The following XKR9 variants were observed in gnomAD, a reference collection of about 807,000 sequenced individuals.
XKR9 encodes XK related 9, also known as XK-related protein 9.
In XKR9, 32 loss-of-function variants were observed where a neutral mutation model predicts 32.0. The ratio of observed to expected loss-of-function variants is 1.00; its 90% CI spans 0.76 to 1.34. The LOEUF (loss-of-function observed/expected upper bound fraction) is 1.34, where lower values mean the gene tolerates loss of function less well. Among genes scored for constraint, XKR9 ranks in the 40% most tolerant of loss-of-function variants. XKR9 has a pLI of 0.00. For synonymous variants in XKR9, 168 were observed against 143.4 expected (o/e 1.17, Z -1.22); for missense variants, 546 against 429.7 (o/e 1.27, Z -2.39).
At chr8:70,739,569 T>C (rs540223289), downstream of XKR9, among the ~76,000 whole-genome samples, 3 of 152,270 alleles carry the variant, frequency 2.0e-5, no homozygotes, top group African/African-American at 7.2e-5. Flanking sequence ...GCCTCGATGG[T>C]CTTTACAATT....
At chr8:70,760,206 C>T (rs1164270530) in intron 2 of XKR9, among the ~76,000 whole-genome samples, 2 of 152,064 alleles carry the variant, frequency 1.3e-5, no homozygotes, top group South Asian at 2.1e-4. Flanking sequence ...TCAGTTTACT[C>T]GTAAGTAAGA....
At chr8:70,812,165 A>G in the XKR9 span, among the ~76,000 whole-genome samples, 1 of 152,256 alleles carries the variant, frequency 6.6e-6, no homozygotes, top group Non-Finnish European at 1.5e-5. Context: ...GTAATCCAGC[A>G]TATAAACAGA....
At chr8:70,737,148 C>A (rs1262843865), downstream of XKR9, among the ~76,000 whole-genome samples, 46 of 138,562 alleles carry the variant, frequency 3.3e-4, no homozygotes, top group Non-Finnish European at 4.7e-4. Flanking sequence ...TTTCACTGAG[C>A]AGTGGTTTGT....
chr8:70,736,619 T>C (rs1806868027), downstream of XKR9, among the ~76,000 whole-genome samples: 1 of 152,132 alleles, frequency 6.6e-6, no homozygotes, highest in South Asian at 2.1e-4. Flanking sequence ...TTTAAGTCTT[T>C]AATCCATCTT....
chr8:70,973,448 T>C, the XKR9 span, among the ~76,000 whole-genome samples: 1 of 152,156 alleles, frequency 6.6e-6, no homozygotes, highest in Non-Finnish European at 1.5e-5. Flanking sequence ...TATTTTGTTT[T>C]AATTTAATTT....
At chr8:70,909,322 A>G in the XKR9 span, among the ~76,000 whole-genome samples, 33 of 152,068 alleles carry the variant, frequency 2.2e-4, no homozygotes, top group African/African-American at 6.5e-4. Flanking sequence ...GTTTTGTCTC[A>G]TATTGGTCCC....
the XKR9 span, among the ~76,000 whole-genome samples, chr8:71,051,124 G>T: frequency 6.6e-6 from 1 of 151,782 alleles, no homozygotes; most frequent in Admixed American, 6.6e-5. Context: ...AATCTTAAAG[G>T]TCAACAGGTC....
At chr8:71,050,290 T>G in the XKR9 span, among the ~76,000 whole-genome samples, 1 of 134,104 alleles carries the variant, frequency 7.5e-6, no homozygotes, top group African/African-American at 3.1e-5. Context: ...GATATAGATA[T>G]AGATATATAT....
chr8:70,730,732 G>A (rs1806636421), intron 4 of XKR9, among the ~76,000 whole-genome samples: 1 of 152,138 alleles, frequency 6.6e-6, no homozygotes, highest in South Asian at 2.1e-4. Flanking sequence ...TATTCCGGAA[G>A]CCAAGAATTG....
the XKR9 span, among the ~76,000 whole-genome samples, chr8:70,953,656 G>T: frequency 3.9e-5 from 6 of 152,124 alleles, no homozygotes; most frequent in African/African-American, 1.2e-4. Context: ...TAGGGATCAG[G>T]AGACATAAGT....
intron 3 of XKR9, among the ~76,000 whole-genome samples, chr8:70,703,545 CT>C (rs1444667310): frequency 6.6e-6 from 1 of 152,068 alleles, no homozygotes; most frequent in Non-Finnish European, 1.5e-5. Flanking sequence ...ATTTTATCAT[CT>C]TCAAAAGGCT....
the XKR9 span, among the ~76,000 whole-genome samples, chr8:70,914,578 T>C: frequency 1.3e-5 from 2 of 152,170 alleles, no homozygotes; most frequent in Non-Finnish European, 2.9e-5. Context: ...TTGTTTGCTT[T>C]TCTCTTATTA....
chr8:70,982,711 T>C, the XKR9 span, among the ~76,000 whole-genome samples: 1 of 152,168 alleles, frequency 6.6e-6, no homozygotes, highest in Non-Finnish European at 1.5e-5. Flanking sequence ...TGGATTCTCT[T>C]GGCTTTCCTG....
At chr8:70,700,183 G>A (rs539536532) in intron 3 of XKR9, among the ~76,000 whole-genome samples, 166 of 152,266 alleles carry the variant, frequency 1.1e-3, no homozygotes, top group Non-Finnish European at 2.1e-3. Flanking sequence ...CTCTCAACTC[G>A]TCAAAGTCAT....
chr8:70,937,368 A>T, the XKR9 span, among the ~76,000 whole-genome samples: 1 of 152,192 alleles, frequency 6.6e-6, no homozygotes, highest in East Asian at 1.9e-4. Flanking sequence ...TAATTGTTAG[A>T]TTCATGTGGG....
downstream of XKR9, among the ~76,000 whole-genome samples, chr8:70,737,080 T>G (rs1806877022): frequency 2.0e-5 from 3 of 151,710 alleles, no homozygotes; most frequent in South Asian, 6.2e-4. Flanking sequence ...TTTCATGATA[T>G]TGATTCTTCC....
intron 2 of XKR9, among the ~76,000 whole-genome samples, chr8:70,754,328 G>T (rs1412267088): frequency 7.0e-6 from 1 of 143,488 alleles, no homozygotes; most frequent in Non-Finnish European, 1.5e-5. Context: ...TCGTGAAAAT[G>T]GCCATACTGC....
intron 2 of XKR9, among the ~76,000 whole-genome samples, chr8:70,787,022 C>T (rs1197532868): frequency 6.6e-6 from 1 of 152,084 alleles, no homozygotes; most frequent in Non-Finnish European, 1.5e-5. Flanking sequence ...GAGATATTAA[C>T]TACATTCTTC....
the XKR9 span, among the ~76,000 whole-genome samples, chr8:70,901,971 A>C: frequency 6.6e-6 from 1 of 152,080 alleles, no homozygotes; most frequent in African/African-American, 2.4e-5. Context: ...ATGGCTGTAG[A>C]TGTGGGGTAT....
Sources: allele counts gnomAD v4.1 joint callset (sites outside exome capture counted in the v4.1 genomes callset), GRCh38; gene constraint gnomAD v4.1.1; transcripts MANE v1.5; gene names NCBI Gene and HGNC (gene_info 2026-07-23, HGNC 2026-07-21).